Variants in CDH20 observed in about 807,000 individuals in gnomAD.
The protein encoded by CDH20 is cadherin-20.
Under a neutral mutation model 74.2 loss-of-function variants are expected in CDH20, and 29 were observed. The observed-to-expected ratio is 0.39, with a 90% confidence interval of 0.29 to 0.53. The LOEUF is 0.53. CDH20 is among the 20% of genes least tolerant of loss of function. The pLI is 0.69. For missense variants in CDH20, 988 were observed against 1,048.3 expected (o/e 0.94, Z 0.79); for synonymous variants, 469 against 405.4 (o/e 1.16, Z -1.88).
At position 61,490,575 on chromosome 18, in the gene CDH20, A is replaced by G. The variant is rs1910922368; in HGVS notation, c.22A>G (p.Ser8Gly). 6.2e-7 allele frequency: 1 copy of G among 1,614,128 alleles called. No homozygotes were observed. Among genetic ancestry groups the G allele is most frequent in the Non-Finnish European group, 8.5e-7 (1 of 1,179,994 alleles). MWTSGRMSNAKNWLGLGM... is the reference protein window; with the variant it reads MWTSGRMGNAKNWLGLGM... ...TCCCATGTGGACTTCTGGTAGAATG[A>G]GCAATGCAAAGAACTGGCTTGGACT... Residue 8 changes from serine to glycine, a missense_variant, in exon 2 of 12, where the codon AGC becomes GGC. Around this residue, in one of 2 missense-constraint regions of CDH20, gnomAD observed 613 missense variants for 755.2 expected, o/e 0.81. Coordinates refer to ENST00000262717, the MANE Select transcript of CDH20 (RefSeq NM_031891.4).
chr18:61,538,609 T>G lies in CDH20; in HGVS notation c.1409-415T>G, dbSNP rs1237515727. The stretch of plus-strand genomic sequence containing the variant: ...GTTTGTTTGTTTGTTTTTGTTTTTG[T>G]TTTTGTTTTTGTTTTGTTTTTTTTT... On this transcript the variant is annotated intron_variant, in intron 8 of 11. Transcript: ENST00000262717. Among the ~76,000 whole-genome samples the G allele has an allele frequency of 5.5e-4, 17 of 30,728 alleles. 1 individual carries two copies. Among genetic ancestry groups the G allele is most frequent in the South Asian group, 2.2e-3 (1 of 456 alleles). 20.2% of individuals were successfully genotyped at this position (30,728 alleles called of 152,430 possible).
At position 61,450,191 on chromosome 18, in the gene CDH20, C is replaced by T. The variant is rs146244784; in HGVS notation, c.-152-40211C>T. ...AAATAGGTACCACTATTACCATTATCCCCATCTCCCATAGGGAAACTAAAC... is the reference window on the plus strand; with the variant it reads ...AAATAGGTACCACTATTACCATTATTCCCATCTCCCATAGGGAAACTAAAC... On this transcript the variant is annotated intron_variant, in intron 1 of 11. Coordinates refer to ENST00000262717, the MANE Select transcript of CDH20 (RefSeq NM_031891.4). 1.1e-3 allele frequency among the ~76,000 whole-genome samples: 168 copies of T among 152,020 alleles called. 1 individual carries two copies. Among genetic ancestry groups the T allele is most frequent in the South Asian group, 6.2e-4 (3 of 4,814 alleles).
chr18:61,353,689 A>G lies in CDH20; in HGVS notation c.-153+19862A>G, dbSNP rs1910386498. Among the ~76,000 whole-genome samples, 1 of 152,236 alleles carries G rather than the reference A, an allele frequency of 6.6e-6. No individual in the cohort carries two copies. Among genetic ancestry groups the G allele is most frequent in the Non-Finnish European group, 1.5e-5 (1 of 68,042 alleles). ...CCTTCGACCAACTCCAAACCCACTG[A>G]GATCACTCTTGATCTTGGCCTGCAC... is the stretch of plus-strand genomic sequence containing the variant. On this transcript the variant is annotated intron_variant, in intron 1 of 11. Transcript: ENST00000262717. The surrounding 1 kb of genome is among the most constrained non-coding windows in gnomAD (Gnocchi z 4.6).
intron 9 of CDH20, among the ~76,000 whole-genome samples, chr18:61,543,692 T>G (rs1381708362): frequency 6.6e-6 from 1 of 152,210 alleles, no homozygotes; most frequent in East Asian, 1.9e-4. Context: ...CTGTGCTATC[T>G]TTGCTAGCTC....
chr18:61,443,179 G>A (rs1426018099), intron 1 of CDH20, among the ~76,000 whole-genome samples: 4 of 152,162 alleles, frequency 2.6e-5, no homozygotes, highest in African/African-American at 9.7e-5. Flanking sequence ...TGCTTGTTCA[G>A]TGAGCCCACT....
intron 1 of CDH20, among the ~76,000 whole-genome samples, chr18:61,428,067 A>T (rs1913132229): frequency 6.6e-6 from 1 of 152,202 alleles, no homozygotes; most frequent in Non-Finnish European, 1.5e-5. Context: ...ATGCTGTAAG[A>T]TTGGCACAAG....
chr18:61,454,992 G>A (rs529323827), intron 1 of CDH20, among the ~76,000 whole-genome samples: 1 of 152,292 alleles, frequency 6.6e-6, no homozygotes, highest in Non-Finnish European at 1.5e-5. Context: ...AGCCATTTAA[G>A]CCATAGAGGC....
chr18:61,535,325 A>G (rs1912785041), intron 7 of CDH20, among the ~76,000 whole-genome samples: 1 of 152,112 alleles, frequency 6.6e-6, no homozygotes, highest in South Asian at 2.1e-4. Flanking sequence ...CAGAAAAAAA[A>G]AAGAATTAAA....
chr18:61,529,913 G>T (rs1039947790), intron 7 of CDH20, among the ~76,000 whole-genome samples: 1 of 152,160 alleles, frequency 6.6e-6, no homozygotes, highest in Non-Finnish European at 1.5e-5. Context: ...GTTCATATTG[G>T]AGTGTCTGGC....
chr18:61,546,416 A>T (rs55968114), intron 10 of CDH20, among the ~76,000 whole-genome samples: 19,041 of 152,216 alleles, frequency 0.13, 1,520 homozygotes, highest in Non-Finnish European at 0.18. Context: ...ATACTATAAT[A>T]ATTCTGGAAG....
chr18:61,533,023 G>A (rs1912700339), intron 7 of CDH20, among the ~76,000 whole-genome samples: 2 of 152,322 alleles, frequency 1.3e-5, no homozygotes, highest in African/African-American at 2.4e-5. Flanking sequence ...GCTTATGCCT[G>A]TAATCCCCAC....
intron 2 of CDH20, among the ~76,000 whole-genome samples, chr18:61,496,864 T>C (rs774468211): frequency 8.5e-5 from 13 of 152,170 alleles, no homozygotes; most frequent in Non-Finnish European, 1.6e-4. Context: ...CTGTTATATA[T>C]ATAAACATAC....
intron 4 of CDH20, among the ~76,000 whole-genome samples, chr18:61,500,950 A>G (rs939017608): frequency 6.6e-6 from 1 of 152,236 alleles, no homozygotes; most frequent in African/African-American, 2.4e-5. Context: ...AGATAAAGCA[A>G]TTGGGAAATT....
At chr18:61,398,922 A>C (rs1277831477) in intron 1 of CDH20, among the ~76,000 whole-genome samples, 2 of 152,130 alleles carry the variant, frequency 1.3e-5, no homozygotes, top group African/African-American at 4.8e-5. Context: ...TCTGCCAGGG[A>C]GGACAGGGTA....
intron 1 of CDH20, among the ~76,000 whole-genome samples, chr18:61,338,538 G>A (rs1017120252): frequency 2.0e-5 from 3 of 152,086 alleles, no homozygotes; most frequent in Non-Finnish European, 2.9e-5. Context: ...TTTAGCTTAA[G>A]AGATCATAAA....
chr18:61,534,098 A>G (rs1284174169), intron 7 of CDH20, among the ~76,000 whole-genome samples: 1 of 152,262 alleles, frequency 6.6e-6, no homozygotes, highest in Non-Finnish European at 1.5e-5. Context: ...GACATTTCTC[A>G]AAAGAAGACA....
chr18:61,351,851 T>A (rs186336499), intron 1 of CDH20, among the ~76,000 whole-genome samples: 94 of 152,226 alleles, frequency 6.2e-4, no homozygotes, highest in Admixed American at 2.9e-3. Flanking sequence ...TATATTCCTG[T>A]CACATGGTAG....
At chr18:61,508,508 CATCA>C (rs1202949445) in intron 6 of CDH20, among the ~76,000 whole-genome samples, 2 of 110,700 alleles carry the variant, frequency 1.8e-5, no homozygotes, top group Non-Finnish European at 3.6e-5. Context: ...GCTAAATGCC[CATCA>C]ATCAAAGAGT....
At position 61,473,572 on chromosome 18, in the gene CDH20, A is replaced by C. The variant is rs556541507; in HGVS notation, c.-152-16830A>C. ...AATAACAGCATTTTCCATTCCAAGG[A>C]AACCTAAATTCTTTTACCAACATAG... On this transcript the variant is annotated intron_variant, in intron 1 of 11. Transcript: ENST00000262717. Among the ~76,000 whole-genome samples, 109 of 152,290 alleles carry C rather than the reference A, an allele frequency of 7.2e-4. 2 individuals carry two copies. The South Asian group carries it at 0.022, about 31-fold the overall frequency.
Sources: gnomAD v4.1 joint callset for allele counts (sites outside exome capture counted in the v4.1 genomes callset) on GRCh38, gnomAD v4.1.1 for gene constraint, gnomAD v4.1.1 regional missense constraint, Gnocchi (gnomAD v3.1) non-coding constraint, MANE v1.5 for transcripts, NCBI Gene and HGNC (gene_info 2026-07-23, HGNC 2026-07-21) for gene names.